FBXW11: variants seen among roughly 807,000 people sequenced by gnomAD.
FBXW11 encodes F-box/WD repeat-containing protein 11.
Under a neutral mutation model 77.6 loss-of-function variants are expected in FBXW11, and 19 were observed. That is an observed-to-expected ratio of 0.24 (90% CI 0.17 to 0.36). The LOEUF (loss-of-function observed/expected upper bound fraction) is 0.36, where lower values mean the gene tolerates loss of function less well. FBXW11 is among the 10% of genes least tolerant of loss of function. FBXW11 has a pLI of 1.00. For synonymous variants in FBXW11, 235 were observed against 249.4 expected, an observed-to-expected ratio of 0.94 and a Z score of 0.54; for missense variants, 334 against 704.2, an observed-to-expected ratio of 0.47 and a Z score of 5.95.
At chr5:171,939,404 C>A (rs1439303346) in intron 2 of FBXW11, among the ~76,000 whole-genome samples, 1 of 151,260 alleles carries the variant, frequency 6.6e-6, no homozygotes, top group Non-Finnish European at 1.5e-5. Context: ...TTTTTAAGAA[C>A]TATAAAGAAA....
chr5:171,930,747 T>TAAAAAAAAAAAA (rs1204789808), intron 2 of FBXW11, among the ~76,000 whole-genome samples: 1 of 41,514 alleles, frequency 2.4e-5, no homozygotes, highest in African/African-American at 8.9e-5. Context: ...AAATAAAAAA[T>TAAAAAAAAAAAA]AAAAAATAAA....
intron 4 of FBXW11, among the ~76,000 whole-genome samples, chr5:171,903,639 T>A (rs1222752992): frequency 6.6e-6 from 1 of 152,170 alleles, no homozygotes; most frequent in African/African-American, 2.4e-5. Flanking sequence ...TTCTGATTTC[T>A]ACACTTAATA....
rs1305447219 is a variant in FBXW11 at position 171,905,597 on chromosome 5, C to CG, written c.436+4974_436+4975insC. Among the ~76,000 whole-genome samples the CG allele has an allele frequency of 6.8e-5, 7 of 102,304 alleles. 1 individual carries two copies. In the East Asian group the frequency reaches 1.2e-3, roughly 18 times the overall value. 67.1% of individuals were successfully genotyped at this position (102,304 alleles called of 152,430 possible). A position where few individuals can be genotyped will look rare whatever the true frequency, so the allele number is the denominator to read the frequency against. ...CCTCCAGCAAAAAGCTAACCCCCCC[C>CG]CCTTTATTTTCTTGGTATAAGTCTC... On this transcript the variant is annotated intron_variant, in intron 4 of 13. Coordinates refer to ENST00000517395, the MANE Select transcript of FBXW11 (RefSeq NM_001378974.1).
At position 171,932,990 on chromosome 5, in the gene FBXW11, G is replaced by T. The variant is rs968551967; in HGVS notation, c.148-18585C>A. Among the ~76,000 whole-genome samples the T allele has an allele frequency of 2.0e-5, 3 of 147,934 alleles. No individual in the cohort carries two copies. In the Admixed American group the frequency reaches 2.0e-4, roughly 10 times the overall value. The stretch of plus-strand genomic sequence containing the variant: ...AAAAAAAAAAAAAAAATTTAGTCAG[G>T]CAAGGTAGAATGCACCTGTTGTTCC... On this transcript the variant is annotated intron_variant, in intron 2 of 13. Coordinates refer to ENST00000517395, the MANE Select transcript of FBXW11 (RefSeq NM_001378974.1).
At chr5:171,887,682 TTTA>T (rs1386683153) in intron 7 of FBXW11, among the ~76,000 whole-genome samples, 1 of 152,006 alleles carries the variant, frequency 6.6e-6, no homozygotes, top group Non-Finnish European at 1.5e-5. Context: ...TTTTTTATTT[TTTA>T]TTGAGACAGA....
In FBXW11 at chr5:171,906,761, C is replaced by G. The variant is rs1581181219; in HGVS notation, c.436+3811G>C. ...TAAGGGCTAGGATTCAAACCAAGGG[C>G]CTGTGTGACTCCAGCACCCATGCTT... On this transcript the variant is annotated intron_variant, in intron 4 of 13. Coordinates refer to ENST00000517395, the MANE Select transcript of FBXW11 (RefSeq NM_001378974.1). Among the ~76,000 whole-genome samples, 4 of 152,324 alleles carry G rather than the reference C, an allele frequency of 2.6e-5. 1 individual carries two copies. The highest frequency in any genetic ancestry group is 2.6e-4 in the Admixed American group (4 of 15,296).
intron 5 of FBXW11, among the ~76,000 whole-genome samples, chr5:171,899,328 G>A (rs1247914957): frequency 6.6e-6 from 1 of 152,108 alleles, no homozygotes; most frequent in Non-Finnish European, 1.5e-5. Context: ...TAACAATCTA[G>A]CCTTTCATTC....
At chr5:171,991,309 T>C (rs1024910235) in intron 1 of FBXW11, among the ~76,000 whole-genome samples, 2 of 152,008 alleles carry the variant, frequency 1.3e-5, no homozygotes, top group African/African-American at 2.4e-5. Flanking sequence ...AAGGTGAAAA[T>C]AGCATACGAC....
At position 171,878,893 on chromosome 5, in the gene FBXW11, C is replaced by T. The variant is rs181417226; in HGVS notation, c.853-764G>A. The stretch of plus-strand genomic sequence containing the variant: ...TATTAAGAGGTTTTACAAATGCATA[C>T]CCCTACGTTTACAAAAACAAAAAGT... On this transcript the variant is annotated intron_variant, in intron 7 of 13. Coordinates refer to ENST00000517395, the MANE Select transcript of FBXW11 (RefSeq NM_001378974.1). 2.4e-3 allele frequency among the ~76,000 whole-genome samples: 363 copies of T among 152,076 alleles called. 2 individuals are homozygous for T. Among genetic ancestry groups the T allele is most frequent in the African/African-American group, 8.4e-3 (349 of 41,472 alleles).
At chr5:171,892,282 G>A (rs1034731457) in intron 6 of FBXW11, among the ~76,000 whole-genome samples, 5 of 152,210 alleles carry the variant, frequency 3.3e-5, no homozygotes, top group Admixed American at 1.3e-4. Context: ...TCTGGATCTA[G>A]AGAGACACTA....
chr5:171,997,564 C>T (rs1298274328), intron 1 of FBXW11, among the ~76,000 whole-genome samples: 2 of 152,190 alleles, frequency 1.3e-5, no homozygotes, highest in Admixed American at 1.3e-4. Context: ...AAATCCTCTA[C>T]CCTTAGCTAA....
At chr5:171,989,286 T>C (rs182287434) in intron 1 of FBXW11, among the ~76,000 whole-genome samples, 95 of 152,370 alleles carry the variant, frequency 6.2e-4, no homozygotes, top group African/African-American at 2.2e-3. Context: ...ACAGGGTATT[T>C]ACAAGGTGCC....
At chr5:171,947,604 T>TA (rs1158138832) in intron 2 of FBXW11, among the ~76,000 whole-genome samples, 4 of 151,798 alleles carry the variant, frequency 2.6e-5, no homozygotes. Context: ...TAAGATAATC[T>TA]AAGGTATGAA....
intron 1 of FBXW11, among the ~76,000 whole-genome samples, chr5:172,002,446 G>GTGTGTGTGTGTGT (rs1766464395): frequency 2.7e-5 from 4 of 149,422 alleles, no homozygotes; most frequent in African/African-American, 1.0e-4. Flanking sequence ...GTGTGTGTGT[G>GTGTGTGTGTGTGT]GTTTATTCAT....
At chr5:171,970,243 G>A (rs909686556) in intron 1 of FBXW11, among the ~76,000 whole-genome samples, 3 of 152,164 alleles carry the variant, frequency 2.0e-5, no homozygotes, top group African/African-American at 4.8e-5. Flanking sequence ...CTGGATCATG[G>A]AGGCAGTCTC....
At chr5:171,942,630 T>C (rs1762808799) in intron 2 of FBXW11, among the ~76,000 whole-genome samples, 1 of 151,898 alleles carries the variant, frequency 6.6e-6, no homozygotes, top group African/African-American at 2.4e-5. Context: ...TGAAACCCCG[T>C]CTCTACAAAA....
At chr5:171,955,500 G>A (rs912029717) in intron 2 of FBXW11, among the ~76,000 whole-genome samples, 5 of 152,120 alleles carry the variant, frequency 3.3e-5, no homozygotes, top group African/African-American at 1.2e-4. Context: ...CCCAAATTAA[G>A]GCACGAAATT....
At chr5:171,880,306 C>T (rs1186893191) in intron 7 of FBXW11, among the ~76,000 whole-genome samples, 4 of 152,180 alleles carry the variant, frequency 2.6e-5, no homozygotes, top group African/African-American at 9.7e-5. Context: ...ATCTAGCTGT[C>T]CATTCTGTTG....
chr5:171,930,754 T>TAAAAAAAAAAAAA (rs1300857997), intron 2 of FBXW11, among the ~76,000 whole-genome samples: 2 of 32,324 alleles, frequency 6.2e-5, no homozygotes, highest in African/African-American at 8.5e-5. Context: ...AAATAAAAAA[T>TAAAAAAAAAAAAA]AAAAAAATAA....
Sources: gnomAD v4.1 joint callset for allele counts (sites outside exome capture counted in the v4.1 genomes callset) on GRCh38, gnomAD v4.1.1 for gene constraint, MANE v1.5 for transcripts, NCBI Gene and HGNC (gene_info 2026-07-23, HGNC 2026-07-21) for gene names.